Variants in ACP5 observed in about 807,000 individuals in gnomAD.
ACP5 encodes the protein tartrate-resistant acid phosphatase type 5.
A neutral mutation model predicts 28.7 loss-of-function variants in ACP5; 24 were observed. That is an observed-to-expected ratio of 0.84 (90% CI 0.61 to 1.18). ACP5 has a LOEUF of 1.18. Ranked by LOEUF, ACP5 falls within the 50% of genes most tolerant of loss-of-function variation. The probability of loss-of-function intolerance (pLI) is 0.00; values close to 1 mark genes in which losing one functional copy is unlikely to be tolerated. For missense variants in ACP5, 354 were observed against 422.2 expected, an observed-to-expected ratio of 0.84 and a Z score of 1.42; for synonymous variants, 154 against 181.4, an observed-to-expected ratio of 0.85 and a Z score of 1.21.
At chr19:11,575,402 A>T (rs1256679185) in intron 4 of ACP5, 150 bp from the exon 5 acceptor site, 1 of 940,892 alleles carries the variant, frequency 1.1e-6, no homozygotes, top group African/African-American at 1.6e-5. Flanking sequence ...GGAGTGTATT[A>T]ATCCTATTTC....
At chr19:11,575,303 CT>C in intron 4 of ACP5, 51 bp from the exon 5 acceptor site, 1 of 1,610,522 alleles carries the variant, frequency 6.2e-7, no homozygotes, top group Non-Finnish European at 8.5e-7. Flanking sequence ...GAGCAGAGCC[CT>C]GCCTAAGGTC....
In ACP5 at chr19:11,576,702, T is replaced by C; in HGVS notation, c.389+14A>G. ...ATGTGAGGATCTCGGAAGGCAGGGC[T>C]GAGGGTGGCTCACCAGCGCTTGGAG... is the stretch of plus-strand genomic sequence containing the variant. On this transcript the variant is annotated intron_variant, in intron 3 of 4. Transcript: ENST00000648477. 1.9e-6 allele frequency: 3 copies of C among 1,612,800 alleles called. No individual in the cohort carries two copies. Among genetic ancestry groups the C allele is most frequent in the Non-Finnish European group, 2.5e-6 (3 of 1,179,576 alleles).
intron 4 of ACP5, 192 bp from the exon 5 acceptor site, chr19:11,575,444 C>T (rs1046646616): frequency 1.9e-5 from 13 of 679,770 alleles, no homozygotes; most frequent in Middle Eastern, 4.0e-4. Flanking sequence ...AAATTGGTGG[C>T]CAGGTGTGGT....
chr19:11,576,699 G>A lies in ACP5; in HGVS notation c.389+17C>T, dbSNP rs555490099. ...GCTATGTGAGGATCTCGGAAGGCAG[G>A]GCTGAGGGTGGCTCACCAGCGCTTG... is the stretch of plus-strand genomic sequence containing the variant. On this transcript the variant is annotated intron_variant, in intron 3 of 4. Transcript: ENST00000648477. The A allele has an allele frequency of 3.7e-6, 6 of 1,613,220 alleles. No homozygotes were observed. Among genetic ancestry groups the A allele is most frequent in the African/African-American group, 2.7e-5 (2 of 74,622 alleles).
At chr19:11,577,772 T>G, upstream of ACP5, 2 of 245,430 alleles carry the variant, frequency 8.1e-6, no homozygotes, top group Non-Finnish European at 8.2e-6. The surrounding 1 kb of genome is among the most constrained non-coding windows in gnomAD (Gnocchi z 5.7). Flanking sequence ...GCCCTGGACT[T>G]CCCTGGAGCA....
chr19:11,575,322 C>T (rs1973092062), intron 4 of ACP5, 70 bp from the exon 5 acceptor site: 8 of 1,592,164 alleles, frequency 5.0e-6, no homozygotes, highest in South Asian at 1.1e-5. Flanking sequence ...GTCCAGGGCT[C>T]GATCTGGCCC....
rs1436728411 is a variant in ACP5 at position 11,577,462 on chromosome 19, C to CA, written c.-1+130dup. The CA allele has an allele frequency of 8.6e-6, 8 of 929,438 alleles. No homozygotes were observed. Among genetic ancestry groups the CA allele is most frequent in the Non-Finnish European group, 1.2e-5 (7 of 594,690 alleles). 57.6% of individuals were successfully genotyped at this position (929,438 alleles called of 1,614,324 possible). A position where few individuals can be genotyped will look rare whatever the true frequency, so the allele number is the denominator to read the frequency against. On this transcript the variant is annotated intron_variant, in intron 1 of 4. Transcript: ENST00000648477. This position sits in a 1 kb window ranked among gnomAD's most constrained non-coding sequence, Gnocchi z 5.7. ...CCCCTTGGTGCCCTAATTCTCAGGACACACAAGCTGCACAAGGCTGCACAA... is the reference window on the plus strand; with the variant it reads ...CCCCTTGGTGCCCTAATTCTCAGGACAACACAAGCTGCACAAGGCTGCACAA...
In ACP5 at chr19:11,574,928, G is replaced by C; in HGVS notation, c.*82C>G. On this transcript the variant is annotated 3_prime_UTR_variant, in exon 5 of 5. Coordinates refer to ENST00000648477, the MANE Select transcript of ACP5 (RefSeq NM_001611.5). ...TGCAGCGCCACAGGTTGGAGGAAAA[G>C]CCTGCCTGTGAGCAGGGTCCCGGCA... 6.5e-7 allele frequency: 1 copy of C among 1,536,830 alleles called. No homozygotes were observed. Among genetic ancestry groups the C allele is most frequent in the South Asian group, 1.1e-5 (1 of 88,672 alleles).
Position 11,577,232 on chromosome 19 carries a change from A to G in ACP5, c.86T>C (p.Val29Ala), listed in dbSNP as rs1452077751. ...ADGATPALRF[V>A]AVGDWGGVPN... is the part of the protein sequence containing the mutation. ...GACCCCTCCCCAGTCACCCACGGCTACAAAGCGCAGGGCAGGGGTGGCACC... is the reference window on the plus strand; with the variant it reads ...GACCCCTCCCCAGTCACCCACGGCTGCAAAGCGCAGGGCAGGGGTGGCACC... The change falls in exon 2 of 5, where the codon GTA becomes GCA. Residue 29 changes from valine (V) to alanine (A), a missense_variant. Coordinates refer to ENST00000648477, the MANE Select transcript of ACP5 (RefSeq NM_001611.5). This position sits in a 1 kb window ranked among gnomAD's most constrained non-coding sequence, Gnocchi z 5.7. 1 of 1,614,160 alleles carries G rather than the reference A, an allele frequency of 6.2e-7. No individual in the cohort carries two copies. Among genetic ancestry groups the G allele is most frequent in the Admixed American group, 1.7e-5 (1 of 60,012 alleles).
At chr19:11,575,950 G>T (rs1452087864) in intron 4 of ACP5, among the ~76,000 whole-genome samples, 1 of 135,090 alleles carries the variant, frequency 7.4e-6, no homozygotes, top group Non-Finnish European at 1.5e-5. Flanking sequence ...GCTGCAGTAA[G>T]CCCCGATTGC....
Position 11,574,822 on chromosome 19 carries a change from G to A in ACP5, c.*188C>T. On this transcript the variant is annotated 3_prime_UTR_variant, in exon 5 of 5. Coordinates refer to ENST00000648477, the MANE Select transcript of ACP5 (RefSeq NM_001611.5). Reference sequence around the variant, plus strand: ...GTGGCTGGGACACATGTCCATGTGTGTTTCACATACGTGGGCATCTGTGCC... The same window carrying A: ...GTGGCTGGGACACATGTCCATGTGTATTTCACATACGTGGGCATCTGTGCC... The A allele has an allele frequency of 3.6e-6, 2 of 553,110 alleles. No individual in the cohort carries two copies. The highest frequency in any genetic ancestry group is 1.8e-5 in the South Asian group (1 of 55,770). The allele number at this position is 553,110 out of a possible 1,614,324, so 34.3% of individuals were successfully genotyped here. A position where few individuals can be genotyped will look rare whatever the true frequency, so the allele number is the denominator to read the frequency against.
At chr19:11,578,931 C>G (rs1015336654), upstream of ACP5, 2 of 152,228 alleles carry the variant, frequency 1.3e-5, no homozygotes, top group Admixed American at 1.3e-4. Context: ...TTTAAGCAGG[C>G]AGCGGCCGAT....
Position 11,577,231 on chromosome 19 carries a change from T to G in ACP5, c.87A>C (p.Val29=). ...GGACCCCTCCCCAGTCACCCACGGC[T>G]ACAAAGCGCAGGGCAGGGGTGGCAC... is the stretch of plus-strand genomic sequence containing the variant. The part of the protein sequence containing the change: ...ADGATPALRF[V]AVGDWGGVPN... The change falls in exon 2 of 5, where the codon GTA becomes GTC. Residue 29 remains valine, a synonymous_variant. Transcript: ENST00000648477. The surrounding 1 kb of genome is among the most constrained non-coding windows in gnomAD (Gnocchi z 5.7). The G allele has an allele frequency of 6.2e-7, 1 of 1,614,070 alleles. No homozygotes were observed. Among genetic ancestry groups the G allele is most frequent in the Non-Finnish European group, 8.5e-7 (1 of 1,179,994 alleles).
In ACP5 at chr19:11,577,266, G is replaced by A; in HGVS notation, c.52C>T (p.Leu18=). The change falls in exon 2 of 5, where the codon CTG becomes TTG. Residue 18 remains leucine, a synonymous_variant. Transcript: ENST00000648477. The surrounding 1 kb of genome is among the most constrained non-coding windows in gnomAD (Gnocchi z 5.7). ...AGGGCAGGGGTGGCACCATCAGCCA[G>A]GGAGGGTAGCAACAAGGCTTGCAGG... ...LILQALLLPS[L]ADGATPALRF... The A allele has an allele frequency of 6.2e-7, 1 of 1,614,192 alleles. No individual in the cohort carries two copies. The highest frequency in any genetic ancestry group is 8.5e-7 in the Non-Finnish European group (1 of 1,180,020).
At chr19:11,575,384 G>C (rs941754898) in intron 4 of ACP5, 132 bp from the exon 5 acceptor site, 57 of 1,094,778 alleles carry the variant, frequency 5.2e-5, no homozygotes, top group Non-Finnish European at 7.2e-5. Flanking sequence ...TCAATTTCCT[G>C]ACTTTTAGGA....
chr19:11,574,854 G>T lies in ACP5; in HGVS notation c.*156C>A. 3 of 803,062 alleles carry T rather than the reference G, an allele frequency of 3.7e-6. No individual in the cohort carries two copies. Among genetic ancestry groups the T allele is most frequent in the Non-Finnish European group, 6.1e-6 (3 of 487,880 alleles). The allele number at this position is 803,062 out of a possible 1,614,324, so 49.7% of individuals were successfully genotyped here. Reference sequence around the variant, plus strand: ...ATACGTGGGCATCTGTGCCACAAGGGTCATGTGGCACCACAGTTCATCAGC... The same window carrying T: ...ATACGTGGGCATCTGTGCCACAAGGTTCATGTGGCACCACAGTTCATCAGC... On this transcript the variant is annotated 3_prime_UTR_variant, in exon 5 of 5. Transcript: ENST00000648477.
At chr19:11,576,991 A>G in intron 2 of ACP5, 66 bp downstream of exon 2, 1 of 1,609,922 alleles carries the variant, frequency 6.2e-7, no homozygotes, top group East Asian at 2.2e-5. Flanking sequence ...AAGGAAGGTC[A>G]CTAGGTAAGG....
In ACP5 at chr19:11,576,655, A is replaced by G. The variant is rs2145090258; in HGVS notation, c.389+61T>C. 1.9e-6 allele frequency: 3 copies of G among 1,613,874 alleles called. No individual in the cohort carries two copies. The East Asian group carries it at 6.7e-5, about 36-fold the overall frequency. On this transcript the variant is annotated intron_variant, in intron 3 of 4. Transcript: ENST00000648477. ...AGAAGTCCCAGGGTCAGCTCAAGCC[A>G]CAGGGCCCCTGTGTCCCTGCTATGT... is the stretch of plus-strand genomic sequence containing the variant.
Position 11,577,126 on chromosome 19 carries a change from G to T in ACP5, c.192C>A (p.Asp64Glu), listed in dbSNP as rs766000656. ...AATTGTCCCCTAGAGACAGGATGAA[G>T]TCTGCACCCAGGATCTGCACAGTCC... ...IARTVQILGA[D>E]FILSLGDNFY... Residue 64 changes from aspartate to glutamate, a missense_variant, in exon 2 of 5, where the codon GAC (aspartate) becomes GAA (glutamate). Physicochemically the swap from Asp to Glu is conservative, Grantham distance 45 (BLOSUM62 2). Transcript: ENST00000648477. The surrounding 1 kb of genome is among the most constrained non-coding windows in gnomAD (Gnocchi z 5.7). The T allele has an allele frequency of 6.2e-6, 10 of 1,614,148 alleles. No homozygotes were observed. The East Asian group carries it at 2.2e-4, about 36-fold the overall frequency.
Sources: gnomAD v4.1 joint callset for allele counts (sites outside exome capture counted in the v4.1 genomes callset) on GRCh38, gnomAD v4.1.1 for gene constraint, Gnocchi (gnomAD v3.1) non-coding constraint, MANE v1.5 for transcripts, NCBI Gene and HGNC (gene_info 2026-07-23, HGNC 2026-07-21) for gene names.